The following HDAC9 variants were observed in gnomAD, a reference collection of about 807,000 sequenced individuals.
HDAC9 encodes the protein histone deacetylase 9, also known as MEF-2 interacting transcription repressor (MITR) protein.
In HDAC9, 41 loss-of-function variants were observed where a neutral mutation model predicts 139.4. The ratio of observed to expected loss-of-function variants is 0.29; its 90% CI spans 0.23 to 0.38. The LOEUF (loss-of-function observed/expected upper bound fraction) is 0.38. HDAC9 is among the 10% of genes least tolerant of loss of function. The pLI is 1.00. For missense variants in HDAC9, 1,147 were observed against 1,297.0 expected (o/e 0.88, Z 1.78); for synonymous variants, 517 against 476.2 (o/e 1.09, Z -1.12).
chr7:18,964,014 C>T (rs970925822), intron 24 of HDAC9, among the ~76,000 whole-genome samples: 1 of 152,192 alleles, frequency 6.6e-6, no homozygotes, highest in Non-Finnish European at 1.5e-5. Flanking sequence ...CTAAGAAAAT[C>T]TCAACCCTGG....
chr7:18,583,327 A>G (rs1408442400), intron 2 of HDAC9, among the ~76,000 whole-genome samples: 1 of 152,212 alleles, frequency 6.6e-6, no homozygotes, highest in African/African-American at 2.4e-5. Context: ...TCAATGTTAC[A>G]CACATGAAAG....
At chr7:18,499,131 A>C (rs1180126138) in intron 2 of HDAC9, among the ~76,000 whole-genome samples, 1 of 151,972 alleles carries the variant, frequency 6.6e-6, no homozygotes, top group African/African-American at 2.4e-5. Flanking sequence ...TATGTAATAA[A>C]GGCAAAGAAG....
intron 2 of HDAC9, among the ~76,000 whole-genome samples, chr7:18,183,774 C>T (rs1056304488): frequency 6.6e-6 from 1 of 152,164 alleles, no homozygotes; most frequent in Non-Finnish European, 1.5e-5. Context: ...CATGGGCCAT[C>T]ACACCTGGCC....
At chr7:18,622,380 A>G (rs747253663) in intron 6 of HDAC9, among the ~76,000 whole-genome samples, 6 of 152,076 alleles carry the variant, frequency 3.9e-5, no homozygotes, top group Non-Finnish European at 7.4e-5. Flanking sequence ...CTGGAGTGCA[A>G]TGGCATGATC....
intron 12 of HDAC9, among the ~76,000 whole-genome samples, chr7:18,726,123 A>C (rs1454436752): frequency 6.6e-6 from 1 of 152,164 alleles, no homozygotes; most frequent in Non-Finnish European, 1.5e-5. Context: ...TTATAATCCA[A>C]ATTTATAGAT....
Position 18,495,848 on chromosome 7 carries a change from A to C in HDAC9, c.-217A>C. 1 of 1,053,562 alleles carries C rather than the reference A, an allele frequency of 9.5e-7. No individual in the cohort carries two copies. The highest frequency in any genetic ancestry group is 1.1e-6 in the Non-Finnish European group (1 of 874,798). The allele number at this position is 1,053,562 out of a possible 1,614,324, so 65.3% of individuals were successfully genotyped here. A position where few individuals can be genotyped will look rare whatever the true frequency, so the allele number is the denominator to read the frequency against. On this transcript the variant is annotated 5_prime_UTR_variant, in exon 1 of 26. Coordinates refer to ENST00000686413, the MANE Select transcript of HDAC9 (RefSeq NM_178425.4). ...AAACCCTAGCAGCCTGAAGAACTCT[A>C]AGCCAGGTTTAATTGGTTTCTTTTT...
chr7:18,455,793 C>T (rs1271150081), intron 1 of HDAC9, among the ~76,000 whole-genome samples: 1 of 152,178 alleles, frequency 6.6e-6, no homozygotes, highest in Admixed American at 6.5e-5. Context: ...GTACTCCTCT[C>T]TCCATTTCCC....
chr7:18,924,365 G>C (rs929461858), intron 22 of HDAC9, among the ~76,000 whole-genome samples: 1 of 151,960 alleles, frequency 6.6e-6, no homozygotes, highest in Non-Finnish European at 1.5e-5. Context: ...ACATACAATT[G>C]CTGTCTAATT....
At chr7:18,131,012 GA>G (rs1426059625) in intron 1 of HDAC9, among the ~76,000 whole-genome samples, 1 of 152,032 alleles carries the variant, frequency 6.6e-6, no homozygotes, top group Non-Finnish European at 1.5e-5. Context: ...CGAGTGTTTA[GA>G]AATCTTTACA....
intron 12 of HDAC9, chr7:18,667,671 C>T: frequency 1.0e-6 from 1 of 985,094 alleles, no homozygotes; most frequent in Non-Finnish European, 1.2e-6. Context: ...ACAGGAAGTC[C>T]AAGTGATTCA....
intron 2 of HDAC9, among the ~76,000 whole-genome samples, chr7:18,279,319 T>C (rs17346884): frequency 0.024 from 3,676 of 152,216 alleles, 70 homozygotes; most frequent in Middle Eastern, 0.037. Flanking sequence ...AGAGTAAATT[T>C]GTAGGCAAGT....
At chr7:18,121,478 TAAAG>T (rs1164903013) in intron 1 of HDAC9, among the ~76,000 whole-genome samples, 3 of 130,658 alleles carry the variant, frequency 2.3e-5, no homozygotes, top group Non-Finnish European at 4.8e-5. Flanking sequence ...GTAGGTTTAA[TAAAG>T]AGAGAAAGGA....
chr7:18,564,695 C>T (rs1016229026), intron 2 of HDAC9, among the ~76,000 whole-genome samples: 6 of 151,800 alleles, frequency 4.0e-5, no homozygotes, highest in African/African-American at 1.2e-4. Context: ...TATTCCTTTT[C>T]GTTAAGAGAC....
At chr7:18,883,218 A>G (rs750715097) in intron 22 of HDAC9, among the ~76,000 whole-genome samples, 1 of 152,126 alleles carries the variant, frequency 6.6e-6, no homozygotes, top group Non-Finnish European at 1.5e-5. Flanking sequence ...TTTTTTAGCA[A>G]TTGACTACAA....
chr7:18,815,627 C>T (rs897172213), intron 17 of HDAC9, among the ~76,000 whole-genome samples: 49 of 152,154 alleles, frequency 3.2e-4, no homozygotes, highest in African/African-American at 1.2e-3. Flanking sequence ...CATGATGGGC[C>T]GCAGATGCCA....
chr7:18,907,964 A>G (rs1445367041), intron 22 of HDAC9, among the ~76,000 whole-genome samples: 4 of 152,140 alleles, frequency 2.6e-5, no homozygotes, highest in Non-Finnish European at 5.9e-5. Context: ...CCATTTTTAC[A>G]GTGATTTTTC....
At chr7:18,723,743 T>G (rs1001317265) in intron 12 of HDAC9, among the ~76,000 whole-genome samples, 5 of 152,040 alleles carry the variant, frequency 3.3e-5, no homozygotes, top group African/African-American at 1.2e-4. Flanking sequence ...GCGGGTGGTG[T>G]TATTTAAATG....
At chr7:18,582,520 AT>A (rs372889538) in intron 2 of HDAC9, among the ~76,000 whole-genome samples, 1 of 151,994 alleles carries the variant, frequency 6.6e-6, no homozygotes, top group Admixed American at 6.5e-5. Flanking sequence ...ATATATATAT[AT>A]TTTTTAAATG....
intron 1 of HDAC9, among the ~76,000 whole-genome samples, chr7:18,155,093 C>CTTTCCTTCTTTCTTTCT (rs761803907): frequency 5.6e-5 from 8 of 141,694 alleles, no homozygotes; most frequent in African/African-American, 2.1e-4. Flanking sequence ...TTCTTTCTTT[C>CTTTCCTTCTTTCTTTCT]TTTTTTTTTT....
Sources: gnomAD v4.1 joint callset for allele counts (sites outside exome capture counted in the v4.1 genomes callset) on GRCh38, gnomAD v4.1.1 for gene constraint, MANE v1.5 for transcripts, NCBI Gene and HGNC (gene_info 2026-07-23, HGNC 2026-07-21) for gene names.